Variants in ZNF700 observed in about 807,000 individuals in gnomAD.
ZNF700 encodes the protein zinc finger protein 700.
ZNF700 carries 38 observed loss-of-function variants against 65.3 expected under a neutral mutation model. That is an observed-to-expected ratio of 0.58 (90% CI 0.45 to 0.76). The LOEUF is 0.76. ZNF700 is among the 30% of genes least tolerant of loss of function. The pLI, the probability that ZNF700 is intolerant of heterozygous loss-of-function variation, is 0.00. For synonymous variants in ZNF700, 285 were observed against 290.4 expected, an observed-to-expected ratio of 0.98 and a Z score of 0.19; for missense variants, 857 against 888.4, an observed-to-expected ratio of 0.96 and a Z score of 0.45.
At chr19:11,943,402 G>A (rs955106241) in intron 1 of ZNF700, among the ~76,000 whole-genome samples, 2 of 152,202 alleles carry the variant, frequency 1.3e-5, no homozygotes. Flanking sequence ...GGCTAAAACA[G>A]TTAAAGCTCT....
chr19:11,938,750 A>G lies in ZNF700; in HGVS notation c.64-8431A>G, dbSNP rs1435443352. On this transcript the variant is annotated intron_variant, in intron 1 of 3. Transcript: ENST00000254321. The stretch of plus-strand genomic sequence containing the variant: ...CTTTGGGTATATACCCAGTAGTGGG[A>G]TGGCTGGATCAAATGGTATTTCTAG... Among the ~76,000 whole-genome samples the G allele has an allele frequency of 4.6e-5, 7 of 152,202 alleles. No homozygotes were observed. The East Asian group carries it at 1.2e-3, about 25-fold the overall frequency.
In ZNF700 at chr19:11,946,808, G is replaced by A. The variant is rs549666267; in HGVS notation, c.64-373G>A. ...TTTGTGTCTGACCCATTTTTCTTTC[G>A]AGACAAGACAACACTCACACTACAA... On this transcript the variant is annotated intron_variant, in intron 1 of 3. Transcript: ENST00000254321. 238 of 165,736 alleles carry A rather than the reference G, an allele frequency of 1.4e-3. 1 individual carries two copies. Among genetic ancestry groups the A allele is most frequent in the Non-Finnish European group, 2.2e-3 (170 of 78,212 alleles). The allele number at this position is 165,736 out of a possible 1,614,324, so 10.3% of individuals were successfully genotyped here.
rs1003772470 is a variant in ZNF700, at chr19:11,948,124, T to C, written c.252-152T>C. 9.1e-6 allele frequency: 8 copies of C among 879,216 alleles called. No individual in the cohort carries two copies. The African/African-American group carries it at 1.2e-4, about 13-fold the overall frequency. 54.5% of individuals were successfully genotyped at this position (879,216 alleles called of 1,614,324 possible). On this transcript the variant is annotated intron_variant, in intron 3 of 3. Transcript: ENST00000254321. ...CAATAGGTATGGCTGGGTCATCTTG[T>C]AGAACATGTCCAGTCACCTTCAAAC... is the stretch of plus-strand genomic sequence containing the variant.
intron 1 of ZNF700, among the ~76,000 whole-genome samples, chr19:11,943,213 A>T (rs758116384): frequency 6.6e-6 from 1 of 152,232 alleles, no homozygotes. Flanking sequence ...CTGTACAGGC[A>T]CATGTGCCAA....
intron 1 of ZNF700, among the ~76,000 whole-genome samples, chr19:11,942,052 G>A (rs535952697): frequency 1.3e-5 from 2 of 152,138 alleles, no homozygotes; most frequent in Admixed American, 6.6e-5. Flanking sequence ...GCTTAGGAAT[G>A]TCCCCTTTCC....
At chr19:11,942,195 G>T (rs981927814) in intron 1 of ZNF700, among the ~76,000 whole-genome samples, 5 of 150,508 alleles carry the variant, frequency 3.3e-5, no homozygotes, top group Non-Finnish European at 7.4e-5. Context: ...TATCTAGCAT[G>T]CCTGTTTTGG....
chr19:11,925,796 A>G (rs1396065432), intron 1 of ZNF700, among the ~76,000 whole-genome samples: 1 of 152,232 alleles, frequency 6.6e-6, no homozygotes, highest in Non-Finnish European at 1.5e-5. Flanking sequence ...AAAATAAAGA[A>G]GTTTATTCAG....
Position 11,931,860 on chromosome 19 carries a change from A to C in ZNF700, c.63+6587A>C, listed in dbSNP as rs933777127. Among the ~76,000 whole-genome samples the C allele has an allele frequency of 1.0e-4, 15 of 148,366 alleles. 4 individuals carry two copies. Among genetic ancestry groups the C allele is most frequent in the African/African-American group, 3.2e-4 (12 of 38,078 alleles). ...GCCAGGCACGGTGGCTCGCGCCTAT[A>C]ATCCCAACACTTTAGGAGGTCAATG... On this transcript the variant is annotated intron_variant, in intron 1 of 3. Transcript: ENST00000254321.
Position 11,949,488 on chromosome 19 carries a change from C to G in ZNF700, c.1464C>G (p.His488Gln). 1 of 1,612,326 alleles carries G rather than the reference C, an allele frequency of 6.2e-7. No homozygotes were observed. Among genetic ancestry groups the G allele is most frequent in the Non-Finnish European group, 8.5e-7 (1 of 1,179,658 alleles). Reference protein sequence around the residue: ...ECGKAFRYVKHLQIHERTEKH... With the variant: ...ECGKAFRYVKQLQIHERTEKH... ...GGAAAGCCTTCAGATATGTGAAGCA[C>G]CTTCAAATTCATGAAAGGACAGAAA... Residue 488 changes from histidine to glutamine, a missense_variant, in exon 4 of 4, where the codon CAC (histidine) becomes CAG (glutamine). Around this residue, in one of 3 missense-constraint regions of ZNF700, gnomAD observed 603 missense variants for 619.9 expected, o/e 0.97. Coordinates refer to ENST00000254321, the MANE Select transcript of ZNF700 (RefSeq NM_144566.3).
At chr19:11,927,742 T>C (rs1972653067) in intron 1 of ZNF700, among the ~76,000 whole-genome samples, 1 of 152,206 alleles carries the variant, frequency 6.6e-6, no homozygotes, top group African/African-American at 2.4e-5. Flanking sequence ...TATTGGGACA[T>C]CAGGACATTC....
In ZNF700 at chr19:11,950,575, T is replaced by G; in HGVS notation, c.*322T>G. ...AAAGCCTTCAGATGTGCCTCGCACC[T>G]TCAACGGCATGGAAGGGTTCACACT... On this transcript the variant is annotated 3_prime_UTR_variant, in exon 4 of 4. Transcript: ENST00000254321. 1.9e-6 allele frequency: 1 copy of G among 531,530 alleles called. No homozygotes were observed. The highest frequency in any genetic ancestry group is 3.6e-6 in the Non-Finnish European group (1 of 279,998). 32.9% of individuals were successfully genotyped at this position (531,530 alleles called of 1,614,324 possible).
chr19:11,941,977 A>T (rs1021128858), intron 1 of ZNF700, among the ~76,000 whole-genome samples: 1 of 294 alleles, frequency 3.4e-3, no homozygotes, highest in African/African-American at 0.012. Flanking sequence ...ATCTGTGCTT[A>T]TTACACCTGG....
Position 11,947,122 on chromosome 19 carries a change from C to G in ZNF700, c.64-59C>G, listed in dbSNP as rs759830729. Reference sequence around the variant, plus strand: ...CCTGAGAACTTCTTGGGAATAGAGTCTAGGCCTCCAGTGCTGTCACTCTCA... The same window carrying G: ...CCTGAGAACTTCTTGGGAATAGAGTGTAGGCCTCCAGTGCTGTCACTCTCA... On this transcript the variant is annotated intron_variant, in intron 1 of 3. Coordinates refer to ENST00000254321, the MANE Select transcript of ZNF700 (RefSeq NM_144566.3). The G allele has an allele frequency of 2.9e-5, 46 of 1,588,838 alleles. No homozygotes were observed. In the South Asian group the frequency reaches 5.3e-4, roughly 18 times the overall value.
intron 1 of ZNF700, 154 bp from the exon 2 acceptor site, chr19:11,947,027 A>G (rs978106543): frequency 2.4e-6 from 3 of 1,271,990 alleles, no homozygotes; most frequent in Non-Finnish European, 3.2e-6. Flanking sequence ...TATGGAAGAA[A>G]GTAAGTATAG....
intron 1 of ZNF700, among the ~76,000 whole-genome samples, chr19:11,937,490 C>T (rs868080081): frequency 0.054 from 6,931 of 128,914 alleles, 550 homozygotes; most frequent in African/African-American, 0.14. Flanking sequence ...TTTTTCTTTC[C>T]TTTTTTTTTT....
At chr19:11,935,754 C>A (rs1239528606) in intron 1 of ZNF700, among the ~76,000 whole-genome samples, 2 of 152,146 alleles carry the variant, frequency 1.3e-5, no homozygotes, top group South Asian at 2.1e-4. Flanking sequence ...ATGTGCACAA[C>A]GTGCAGGTTT....
rs770531051 is a variant in ZNF700 at position 11,949,424 on chromosome 19, C to G, written c.1400C>G (p.Thr467Ser). The change falls in exon 4 of 4, where the codon ACT (threonine) becomes AGT (serine). Residue 467 changes from threonine to serine, a missense_variant. Transcript: ENST00000254321. ...TCACACCTTCGAGTGCATGGTAGGA[C>G]TCATACTGGAGAGAAACCCTATGAA... ...STSHLRVHGR[T>S]HTGEKPYECK... 2.8e-5 allele frequency: 45 copies of G among 1,612,942 alleles called. No homozygotes were observed. Among genetic ancestry groups the G allele is most frequent in the Non-Finnish European group, 3.6e-5 (42 of 1,179,752 alleles).
At position 11,948,976 on chromosome 19, in the gene ZNF700, A is replaced by C; in HGVS notation, c.952A>C (p.Thr318Pro). The C allele has an allele frequency of 6.2e-7, 1 of 1,608,688 alleles. No homozygotes were observed. The highest frequency in any genetic ancestry group is 1.1e-5 in the South Asian group (1 of 89,634). ...AGAATGTGGAAAAGCATTTGCATAT[A>C]CCAGTTCTCTTCGTAGACATGAAAG... ...CKECGKAFAY[T>P]SSLRRHERTH... Residue 318 changes from threonine (T) to proline (P), a missense_variant, in exon 4 of 4, where the codon ACC (threonine) becomes CCC (proline). Thr to Pro is a conservative substitution (Grantham distance 38). Transcript: ENST00000254321.
chr19:11,948,141 C>T lies in ZNF700; in HGVS notation c.252-135C>T. The T allele has an allele frequency of 3.9e-6, 4 of 1,034,466 alleles. No homozygotes were observed. In the South Asian group the frequency reaches 6.5e-5, roughly 17 times the overall value. 64.1% of individuals were successfully genotyped at this position (1,034,466 alleles called of 1,614,324 possible). On this transcript the variant is annotated intron_variant, in intron 3 of 3. Coordinates refer to ENST00000254321, the MANE Select transcript of ZNF700 (RefSeq NM_144566.3). ...TCATCTTGTAGAACATGTCCAGTCA[C>T]CTTCAAACGATTCAGACAGGGCAGA...
Sources: gnomAD v4.1 joint callset for allele counts (sites outside exome capture counted in the v4.1 genomes callset) on GRCh38, gnomAD v4.1.1 for gene constraint, gnomAD v4.1.1 regional missense constraint, MANE v1.5 for transcripts, NCBI Gene and HGNC (gene_info 2026-07-23, HGNC 2026-07-21) for gene names.